Variants in ADGRB3 observed in about 807,000 individuals in gnomAD.
ADGRB3 encodes the protein brain-specific angiogenesis inhibitor 3.
A neutral mutation model predicts 193.4 loss-of-function variants in ADGRB3; 37 were observed. The observed-to-expected ratio is 0.19, with a 90% confidence interval of 0.15 to 0.25. The LOEUF is 0.25. ADGRB3 is among the 10% of genes least tolerant of loss of function. The pLI, the probability that ADGRB3 is intolerant of heterozygous loss-of-function variation, is 1.00. For missense variants in ADGRB3, 1,637 were observed against 1,852.9 expected (o/e 0.88, Z 2.14); for synonymous variants, 690 against 644.2 (o/e 1.07, Z -1.08).
At chr6:68,863,087 T>A (rs1370950858) in intron 3 of ADGRB3, among the ~76,000 whole-genome samples, 1 of 152,190 alleles carries the variant, frequency 6.6e-6, no homozygotes, top group Non-Finnish European at 1.5e-5. Context: ...TTTAGTTTTG[T>A]GCATACTTAC....
intron 17 of ADGRB3, among the ~76,000 whole-genome samples, chr6:69,107,553 C>T (rs1773249202): frequency 6.6e-6 from 1 of 152,082 alleles, no homozygotes; most frequent in Non-Finnish European, 1.5e-5. Context: ...AAATACACTG[C>T]AAGTTAGACA....
chr6:68,993,720 A>G, intron 10 of ADGRB3, 48 bp from the exon 11 acceptor site: 1 of 1,531,050 alleles, frequency 6.5e-7, no homozygotes, highest in Non-Finnish European at 8.9e-7. Context: ...ATTCAGATAA[A>G]TGGTAATGAA....
At position 69,380,103 on chromosome 6, in the gene ADGRB3, A is replaced by G. The variant is rs145479290; in HGVS notation, c.4276-2728A>G. ...TGAATTAGGTACTACCCATTCAATC[A>G]GAATATAATTATAAAACCTCCAATC... is the stretch of plus-strand genomic sequence containing the variant. On this transcript the variant is annotated intron_variant, in intron 30 of 31. Coordinates refer to ENST00000370598, the MANE Select transcript of ADGRB3 (RefSeq NM_001704.3). Among the ~76,000 whole-genome samples the G allele has an allele frequency of 8.4e-3, 1,285 of 152,128 alleles. 15 individuals are homozygous for G. Among genetic ancestry groups the G allele is most frequent in the African/African-American group, 0.03 (1,231 of 41,544 alleles).
chr6:69,221,258 T>C (rs561142075), intron 17 of ADGRB3, among the ~76,000 whole-genome samples: 4 of 152,272 alleles, frequency 2.6e-5, no homozygotes, highest in African/African-American at 9.6e-5. Flanking sequence ...CCCTTTCAGA[T>C]CTTTTATTGG....
chr6:68,955,502 A>G (rs1290360643), intron 6 of ADGRB3, among the ~76,000 whole-genome samples: 1 of 152,216 alleles, frequency 6.6e-6, no homozygotes, highest in East Asian at 1.9e-4. Flanking sequence ...CAAAAGATAT[A>G]CTGGAGGCCA....
chr6:68,935,867 A>T (rs1175557937), intron 4 of ADGRB3, among the ~76,000 whole-genome samples: 2 of 152,116 alleles, frequency 1.3e-5, no homozygotes, highest in African/African-American at 4.8e-5. Context: ...TTATCAAGAA[A>T]TTTTTCTTTA....
chr6:69,077,568 T>C (rs1414015604), intron 17 of ADGRB3, among the ~76,000 whole-genome samples: 6 of 152,100 alleles, frequency 3.9e-5, no homozygotes, highest in Admixed American at 6.5e-5. Context: ...TAGTTCCTTA[T>C]TTTGTGCCTC....
At chr6:68,819,701 T>A (rs1767712125) in intron 3 of ADGRB3, among the ~76,000 whole-genome samples, 1 of 152,076 alleles carries the variant, frequency 6.6e-6, no homozygotes, top group African/African-American at 2.4e-5. Context: ...CTCACCCTGT[T>A]GATAGATAAT....
chr6:68,786,162 A>G (rs1378041951), intron 3 of ADGRB3, among the ~76,000 whole-genome samples: 1 of 151,912 alleles, frequency 6.6e-6, no homozygotes, highest in Non-Finnish European at 1.5e-5. Context: ...GTTTAATTAG[A>G]TCCCATTTGT....
At chr6:69,211,596 T>C (rs1207128205) in intron 17 of ADGRB3, among the ~76,000 whole-genome samples, 1 of 152,200 alleles carries the variant, frequency 6.6e-6, no homozygotes, top group Non-Finnish European at 1.5e-5. Flanking sequence ...GTAGAAGCCC[T>C]GGACCTTCCC....
intron 11 of ADGRB3, among the ~76,000 whole-genome samples, chr6:69,005,057 A>G (rs1470838459): frequency 1.3e-5 from 2 of 152,076 alleles, no homozygotes; most frequent in Non-Finnish European, 2.9e-5. Flanking sequence ...CTTAAGAAAC[A>G]TCTCCTTTCT....
At chr6:68,856,897 C>T (rs1033594913) in intron 3 of ADGRB3, among the ~76,000 whole-genome samples, 3 of 152,226 alleles carry the variant, frequency 2.0e-5, no homozygotes, top group African/African-American at 7.2e-5. Context: ...AGGCCCTGGG[C>T]TCTCCTGCTC....
At chr6:68,752,976 TTTAAC>T (rs1380690394) in intron 3 of ADGRB3, among the ~76,000 whole-genome samples, 2 of 152,144 alleles carry the variant, frequency 1.3e-5, no homozygotes, top group Non-Finnish European at 2.9e-5. Flanking sequence ...TTTGTTCTGT[TTTAAC>T]TTAACAAGCA....
chr6:69,271,340 A>G (rs1029699670), intron 20 of ADGRB3, among the ~76,000 whole-genome samples: 53 of 152,182 alleles, frequency 3.5e-4, no homozygotes. Flanking sequence ...TGAATGTTAC[A>G]TTATTACATT....
chr6:68,866,836 A>G (rs1765309262), intron 3 of ADGRB3, among the ~76,000 whole-genome samples: 1 of 152,192 alleles, frequency 6.6e-6, no homozygotes, highest in Non-Finnish European at 1.5e-5. Flanking sequence ...CTTACAGGAG[A>G]TGATTTAGAG....
At chr6:68,664,963 A>G (rs559255054) in intron 3 of ADGRB3, among the ~76,000 whole-genome samples, 1 of 151,872 alleles carries the variant, frequency 6.6e-6, no homozygotes, top group South Asian at 2.1e-4. Context: ...GTGGGAGCTC[A>G]TCTCTCAGTT....
At chr6:69,262,951 C>G (rs926381349) in intron 20 of ADGRB3, among the ~76,000 whole-genome samples, 2 of 151,730 alleles carry the variant, frequency 1.3e-5, no homozygotes, top group African/African-American at 4.8e-5. Context: ...TTACATATAG[C>G]GTTTTCTAAA....
chr6:69,318,942 T>A (rs897921847), intron 20 of ADGRB3, among the ~76,000 whole-genome samples: 6 of 150,990 alleles, frequency 4.0e-5, no homozygotes, highest in Non-Finnish European at 8.9e-5. Flanking sequence ...TTAAATATCA[T>A]CACAATGGCC....
chr6:69,015,336 C>T (rs1770057422), intron 12 of ADGRB3, among the ~76,000 whole-genome samples: 1 of 151,902 alleles, frequency 6.6e-6, no homozygotes, highest in Non-Finnish European at 1.5e-5. Flanking sequence ...AATGAAAAAT[C>T]CTGAATTCAT....
Sources: gnomAD v4.1 joint callset for allele counts (sites outside exome capture counted in the v4.1 genomes callset) on GRCh38, gnomAD v4.1.1 for gene constraint, MANE v1.5 for transcripts, NCBI Gene and HGNC (gene_info 2026-07-23, HGNC 2026-07-21) for gene names.